Variants in IGSF22 observed in about 807,000 individuals in gnomAD.
IGSF22 encodes immunoglobulin superfamily, member 22.
A neutral mutation model predicts 127.0 loss-of-function variants in IGSF22; 119 were observed. That is an observed-to-expected ratio of 0.94 (90% CI 0.81 to 1.09). The LOEUF (loss-of-function observed/expected upper bound fraction) is 1.09, where lower values mean the gene tolerates loss of function less well. Ranked by LOEUF, IGSF22 falls within the 50% of genes least tolerant of loss-of-function variation. The probability of loss-of-function intolerance (pLI) is 0.00; values close to 1 mark genes in which losing one functional copy is unlikely to be tolerated. For synonymous variants in IGSF22, 568 were observed against 664.7 expected, an observed-to-expected ratio of 0.85 and a Z score of 2.24; for missense variants, 1,518 against 1,716.6, an observed-to-expected ratio of 0.88 and a Z score of 2.04.
In IGSF22 at chr11:18,706,143, T is replaced by G. The variant is rs1284397412; in HGVS notation, c.3584A>C (p.Gln1195Pro). The G allele has an allele frequency of 6.5e-7, 1 of 1,535,806 alleles. No individual in the cohort carries two copies. The highest frequency in any genetic ancestry group is 8.7e-7 in the Non-Finnish European group (1 of 1,143,152). ...DTWLINKDQI[Q>P]DLSAKLKPYE... ...GGGCTTGAGCTTGGCGCTCAGGTCC[T>G]GGACTGCGCGGGCGGGGCGGGGCAG... The change falls in exon 22 of 23, where the codon CAG becomes CCG. Residue 1195 changes from glutamine to proline, a missense_variant. By Grantham distance (76) the Gln-to-Pro change is moderately conservative. Around this residue, in one of 3 missense-constraint regions of IGSF22, gnomAD observed 1,456 missense variants for 1,644.9 expected, o/e 0.89. Coordinates refer to ENST00000513874, the MANE Select transcript of IGSF22 (RefSeq NM_173588.4).
chr11:18,725,732 G>A (rs1396178412), intron 1 of IGSF22, among the ~76,000 whole-genome samples: 4 of 152,052 alleles, frequency 2.6e-5, no homozygotes, highest in Non-Finnish European at 4.4e-5. Context: ...GAGCCACCGC[G>A]CCTGGCCCAG....
At position 18,713,967 on chromosome 11, in the gene IGSF22, T is replaced by C; in HGVS notation, c.1980A>G (p.Glu660=). Residue 660 remains glutamate (E), a synonymous_variant, in exon 14 of 23, where the codon GAA becomes GAG. Transcript: ENST00000513874. ...EEERVSMERG[E]DQALLTISNC... ...TGGAGATGGTGAGCAGTGCCTGGTC[T>C]TCCCCGCGCTCCATGGACACGCGTT... 6.2e-7 allele frequency: 1 copy of C among 1,614,258 alleles called. No homozygotes were observed. The highest frequency in any genetic ancestry group is 1.3e-5 in the African/African-American group (1 of 75,076).
chr11:18,709,703 T>C lies in IGSF22; in HGVS notation c.2702-20A>G. ...GGGGTTCTGGGGTAGAACAGACATG[T>C]AGTCAGCCCCTCCAACTCATCTCCA... On this transcript the variant is annotated intron_variant, in intron 17 of 22. Coordinates refer to ENST00000513874, the MANE Select transcript of IGSF22 (RefSeq NM_173588.4). This position sits in a 1 kb window ranked among gnomAD's most constrained non-coding sequence, Gnocchi z 4.8. 1 of 1,605,186 alleles carries C rather than the reference T, an allele frequency of 6.2e-7. No individual in the cohort carries two copies. Among genetic ancestry groups the C allele is most frequent in the Non-Finnish European group, 8.5e-7 (1 of 1,174,186 alleles).
At chr11:18,707,304 A>T in intron 20 of IGSF22, 91 bp from the exon 21 acceptor site, 1 of 1,171,594 alleles carries the variant, frequency 8.5e-7, no homozygotes, top group Non-Finnish European at 1.2e-6. Context: ...ATGGAAGATA[A>T]GATGGGGCAA....
chr11:18,718,283 T>C (rs957249768), intron 8 of IGSF22, among the ~76,000 whole-genome samples, 190 bp from the exon 9 acceptor site: 2 of 152,172 alleles, frequency 1.3e-5, no homozygotes, highest in African/African-American at 4.8e-5. Flanking sequence ...CCCACAGGCC[T>C]CCTCACAGGC....
chr11:18,714,874 A>G (rs897665806), intron 11 of IGSF22, among the ~76,000 whole-genome samples: 1 of 152,030 alleles, frequency 6.6e-6, no homozygotes, highest in Non-Finnish European at 1.5e-5. Context: ...GACCAGGAAA[A>G]CTGGGAGATG....
At chr11:18,723,296 C>G (rs144769169) in intron 2 of IGSF22, among the ~76,000 whole-genome samples, 1 of 152,232 alleles carries the variant, frequency 6.6e-6, no homozygotes, top group Non-Finnish European at 1.5e-5. Flanking sequence ...CTCTGATGTG[C>G]GGCCACAGCA....
chr11:18,710,479 G>C, intron 16 of IGSF22, 24 bp from the exon 17 acceptor site: 1 of 1,613,230 alleles, frequency 6.2e-7, no homozygotes, highest in Non-Finnish European at 8.5e-7. Context: ...ATGAGGGGTC[G>C]TGAGGCCAGA....
intron 21 of IGSF22, 71 bp downstream of exon 21, chr11:18,706,843 T>G (rs1848245640): frequency 8.0e-7 from 1 of 1,249,878 alleles, no homozygotes; most frequent in Non-Finnish European, 1.1e-6. Context: ...TTGGGTACCC[T>G]TTGGGACCCT....
At chr11:18,722,359 T>G (rs1204814336) in intron 2 of IGSF22, among the ~76,000 whole-genome samples, 1 of 152,070 alleles carries the variant, frequency 6.6e-6, no homozygotes, top group Non-Finnish European at 1.5e-5. Flanking sequence ...TCTCTTAGGC[T>G]TCTCTCCTGG....
intron 7 of IGSF22, 39 bp downstream of exon 7, chr11:18,719,677 C>T: frequency 6.3e-7 from 1 of 1,598,630 alleles, no homozygotes; most frequent in South Asian, 1.1e-5. Flanking sequence ...GAAGCCCTGC[C>T]CCTAGCCTGC....
chr11:18,717,690 G>A (rs1395768657), intron 9 of IGSF22, among the ~76,000 whole-genome samples: 2 of 152,048 alleles, frequency 1.3e-5, no homozygotes, highest in African/African-American at 2.4e-5. Context: ...GAGCCACCAC[G>A]CCTGGCCTAG....
chr11:18,714,740 ATAAT>A, intron 11 of IGSF22, 116 bp from the exon 12 acceptor site: 4 of 1,327,576 alleles, frequency 3.0e-6, no homozygotes, highest in Non-Finnish European at 4.1e-6. Context: ...GTCAATCAAA[ATAAT>A]TTATGATGAG....
At position 18,714,134 on chromosome 11, in the gene IGSF22, C is replaced by T. The variant is rs544150464; in HGVS notation, c.1813G>A (p.Asp605Asn). The change falls in exon 14 of 23, where the codon GAC (aspartate) becomes AAC (asparagine). Residue 605 changes from aspartate (D) to asparagine (N), a missense_variant. Around this residue, in one of 3 missense-constraint regions of IGSF22, gnomAD observed 1,456 missense variants for 1,644.9 expected, o/e 0.89. Coordinates refer to ENST00000513874, the MANE Select transcript of IGSF22 (RefSeq NM_173588.4). ...GCCAGTGCCTCCAGTACTGACGGGT[C>T]GATGGTAGGAGGATCTGTGGGGCGG... ...SVFIADPPTI[D>N]PSVLEALAAH... The T allele has an allele frequency of 1.1e-4, 179 of 1,611,716 alleles. 3 individuals carry two copies. In the South Asian group the frequency reaches 1.5e-3, roughly 14 times the overall value.
intron 18 of IGSF22, among the ~76,000 whole-genome samples, chr11:18,708,556 T>G (rs562940128): frequency 6.6e-6 from 1 of 152,342 alleles, no homozygotes; most frequent in South Asian, 2.1e-4. Flanking sequence ...AAATTGCCAT[T>G]GCAACAATTA....
chr11:18,706,679 C>T (rs563722795), intron 21 of IGSF22: 1 of 486,906 alleles, frequency 2.1e-6, no homozygotes, highest in Non-Finnish European at 3.6e-6. Context: ...CTCCGCAGCC[C>T]CTCCACCGTC....
chr11:18,708,020 C>A, intron 19 of IGSF22, 24 bp from the exon 20 acceptor site: 1 of 1,612,978 alleles, frequency 6.2e-7, no homozygotes, highest in Non-Finnish European at 8.5e-7. Context: ...GGAGATGGCA[C>A]AACTGGTCAC....
At position 18,714,298 on chromosome 11, in the gene IGSF22, C is replaced by T. The variant is rs753035304; in HGVS notation, c.1777G>A (p.Glu593Lys). The T allele has an allele frequency of 5.6e-5, 90 of 1,613,890 alleles. No individual in the cohort carries two copies. Among genetic ancestry groups the T allele is most frequent in the Non-Finnish European group, 7.3e-5 (86 of 1,179,952 alleles). The change falls in exon 13 of 23, where the codon GAA (glutamate) becomes AAA (lysine). Residue 593 changes from glutamate to lysine, a missense_variant. Physicochemically the swap from Glu to Lys is moderately conservative, Grantham distance 56 (BLOSUM62 1). Coordinates refer to ENST00000513874, the MANE Select transcript of IGSF22 (RefSeq NM_173588.4). ...YTFRAKGTES[E>K]ASVFIADPPT... Reference sequence around the variant, plus strand: ...ATACCTGCGATGAATACAGAGGCTTCACTTTCCGTGCCCTTGGCCCGGAAT... The same window carrying T: ...ATACCTGCGATGAATACAGAGGCTTTACTTTCCGTGCCCTTGGCCCGGAAT...
intron 4 of IGSF22, 53 bp from the exon 5 acceptor site, chr11:18,720,338 C>A: frequency 3.5e-6 from 5 of 1,425,404 alleles, no homozygotes; most frequent in Non-Finnish European, 3.9e-6. Flanking sequence ...CACAGGGAGA[C>A]TTTCTGTCAG....
Sources: gnomAD v4.1 joint callset for allele counts (sites outside exome capture counted in the v4.1 genomes callset) on GRCh38, gnomAD v4.1.1 for gene constraint, gnomAD v4.1.1 regional missense constraint, Gnocchi (gnomAD v3.1) non-coding constraint, MANE v1.5 for transcripts, NCBI Gene and HGNC (gene_info 2026-07-23, HGNC 2026-07-21) for gene names.